Variants in DENND6B observed in about 807,000 individuals in gnomAD.
DENND6B encodes the protein DENN domain containing 6B.
A neutral mutation model predicts 85.1 loss-of-function variants in DENND6B; 73 were observed. The ratio of observed to expected loss-of-function variants is 0.86; its 90% CI spans 0.71 to 1.04. DENND6B has a LOEUF of 1.04. DENND6B is among the 50% of genes least tolerant of loss of function. The probability of loss-of-function intolerance (pLI) is 0.00; values close to 1 mark genes in which losing one functional copy is unlikely to be tolerated. For missense variants in DENND6B, 715 were observed against 785.8 expected, an observed-to-expected ratio of 0.91 and a Z score of 1.08; for synonymous variants, 357 against 329.3, an observed-to-expected ratio of 1.08 and a Z score of -0.91.
rs200203059 is a variant in DENND6B at position 50,318,816 on chromosome 22, G to C, written c.259+31C>G. 152 of 1,611,842 alleles carry C rather than the reference G, an allele frequency of 9.4e-5. No individual in the cohort carries two copies. In the East Asian group the frequency reaches 3.3e-3, roughly 35 times the overall value. The stretch of plus-strand genomic sequence containing the variant: ...TACAGGGATGCCCAGCTGGCTTCAT[G>C]TCCAGCCCCAGGAAAGGTGGGGTTG... On this transcript the variant is annotated intron_variant, in intron 3 of 19. Coordinates refer to ENST00000413817, the MANE Select transcript of DENND6B (RefSeq NM_001001794.4).
chr22:50,312,267 G>C lies in DENND6B; in HGVS notation c.1636-6C>G. 6.2e-7 allele frequency: 1 copy of C among 1,612,104 alleles called. No individual in the cohort carries two copies. Among genetic ancestry groups the C allele is most frequent in the Admixed American group, 1.7e-5 (1 of 59,932 alleles). ...TGGTGGCCCTGAGCCCGCACCTGGA[G>C]GGGCAGCCATGGTCAGGGCAGGCGC... is the stretch of plus-strand genomic sequence containing the variant. On this transcript the variant is annotated splice_polypyrimidine_tract_variant and splice_region_variant and intron_variant, in intron 19 of 19. Coordinates refer to ENST00000413817, the MANE Select transcript of DENND6B (RefSeq NM_001001794.4).
chr22:50,313,059 A>G lies in DENND6B; in HGVS notation c.1397T>C (p.Leu466Pro). Reference protein sequence around the residue: ...PFSQDDFLRSLEHAGPQLTCI... With the variant: ...PFSQDDFLRSPEHAGPQLTCI... ...GGTGAGCTGGGGCCCAGCATGCTCC[A>G]GGCTACGCAGGAAGTCATCCTGGCT... The change falls in exon 17 of 20, where the codon CTG becomes CCG. Residue 466 changes from leucine to proline, a missense_variant. Leu to Pro is a moderately conservative substitution (Grantham distance 98, BLOSUM62 -3). Transcript: ENST00000413817. 1 of 1,560,748 alleles carries G rather than the reference A, an allele frequency of 6.4e-7. No individual in the cohort carries two copies. Among genetic ancestry groups the G allele is most frequent in the Non-Finnish European group, 8.7e-7 (1 of 1,153,158 alleles).
chr22:50,314,909 A>G lies in DENND6B; in HGVS notation c.771T>C (p.Pro257=). The G allele has an allele frequency of 6.2e-7, 1 of 1,610,114 alleles. No homozygotes were observed. The highest frequency in any genetic ancestry group is 1.1e-5 in the South Asian group (1 of 91,002). The change falls in exon 10 of 20, where the codon CCT becomes CCC. Residue 257 remains proline (P), a synonymous_variant. Coordinates refer to ENST00000413817, the MANE Select transcript of DENND6B (RefSeq NM_001001794.4). ...ACAGTGTCTGCATATGAGTCAGCAC[A>G]GGCCGGAAGCACCTGGGGCCGGGCA... ...HELDLFRCFR[P]VLTHMQTLWE...
chr22:50,317,167 G>A (rs975807071), intron 5 of DENND6B, 126 bp downstream of exon 5: 3 of 984,934 alleles, frequency 3.0e-6, no homozygotes, highest in Non-Finnish European at 4.6e-6. Context: ...ACACAGCCCA[G>A]GTGGGGCTGC....
rs892492913 is a variant in DENND6B at position 50,310,202 on chromosome 22, GC to G, written c.*1936del. 7 of 152,306 alleles carry G rather than the reference GC, an allele frequency of 4.6e-5. No homozygotes were observed. The highest frequency in any genetic ancestry group is 1.7e-4 in the African/African-American group (7 of 41,462). The allele number at this position is 152,306 out of a possible 1,614,324, so 9.4% of individuals were successfully genotyped here. A position where few individuals can be genotyped will look rare whatever the true frequency, so the allele number is the denominator to read the frequency against. On this transcript the variant is annotated 3_prime_UTR_variant, in exon 20 of 20. Transcript: ENST00000413817. ...CCTGTGCTACAGTCAGGAGGCCCAA[GC>G]TGCATTTGGGGCCAGGACCTTTCTC... is the stretch of plus-strand genomic sequence containing the variant.
chr22:50,326,777 C>T (rs1179147299), intron 1 of DENND6B, 35 bp downstream of exon 1: 2 of 1,336,736 alleles, frequency 1.5e-6, no homozygotes, highest in Non-Finnish European at 1.9e-6. Context: ...CGCAGCCCTG[C>T]CCACCCGCCC....
Position 50,313,681 on chromosome 22 carries a change from A to C in DENND6B, c.1247T>G (p.Leu416Arg), listed in dbSNP as rs2068129017. The change falls in exon 15 of 20, where the codon CTG becomes CGG. Residue 416 changes from leucine to arginine, a missense_variant. Leu to Arg is a moderately radical substitution (Grantham distance 102). Transcript: ENST00000413817. The part of the protein sequence containing the change: ...KRPSDVQSAL[L>R]RRHLLELTQS... ...GGTGAGCTCCAGGAGGTGCCGCCGC[A>C]GCAGGGCGCTCTGCACATCTGACGG... The C allele has an allele frequency of 1.0e-5, 16 of 1,600,038 alleles. No individual in the cohort carries two copies. The highest frequency in any genetic ancestry group is 1.4e-5 in the Non-Finnish European group (16 of 1,175,438).
rs1444202246 is a variant in DENND6B at position 50,315,898 on chromosome 22, C to T, written c.702+127G>A. The T allele has an allele frequency of 1.9e-6, 3 of 1,539,554 alleles. No individual in the cohort carries two copies. In the East Asian group the frequency reaches 6.8e-5, roughly 35 times the overall value. On this transcript the variant is annotated intron_variant, in intron 8 of 19. Coordinates refer to ENST00000413817, the MANE Select transcript of DENND6B (RefSeq NM_001001794.4). ...CCCTACACCAACACACAGCCTGTGG[C>T]TTTGCCTGGGTTTGACAACCCCGCA...
intron 14 of DENND6B, 23 bp downstream of exon 14, chr22:50,313,791 C>T (rs1383072211): frequency 1.2e-6 from 2 of 1,611,378 alleles, no homozygotes; most frequent in South Asian, 2.2e-5. Flanking sequence ...GCGTCCCCAG[C>T]CCCTGCCCCA....
At position 50,314,896 on chromosome 22, in the gene DENND6B, T is replaced by C. The variant is rs1222375892; in HGVS notation, c.784A>G (p.Met262Val). ...FRCFRPVLTH[M>V]QTLWELMLLG... ...AGCATGAGCTCCCACAGTGTCTGCA[T>C]ATGAGTCAGCACAGGCCGGAAGCAC... Residue 262 changes from methionine to valine, a missense_variant, in exon 10 of 20, where the codon ATG (methionine) becomes GTG (valine). Coordinates refer to ENST00000413817, the MANE Select transcript of DENND6B (RefSeq NM_001001794.4). The C allele has an allele frequency of 1.2e-6, 2 of 1,612,174 alleles. No homozygotes were observed. Among genetic ancestry groups the C allele is most frequent in the Admixed American group, 3.3e-5 (2 of 59,998 alleles).
At chr22:50,323,281 C>CTTTT (rs571677497) in intron 1 of DENND6B, among the ~76,000 whole-genome samples, 13 of 126,100 alleles carry the variant, frequency 1.0e-4, no homozygotes, top group African/African-American at 3.8e-4. Flanking sequence ...ATGCCTGGCT[C>CTTTT]TTTTTTTTTT....
chr22:50,313,553 T>TGCCCCC (rs2147766863), intron 15 of DENND6B, 54 bp from the exon 16 acceptor site: 3 of 698,174 alleles, frequency 4.3e-6, no homozygotes, highest in Non-Finnish European at 3.7e-6. Flanking sequence ...CCCAGCCCCA[T>TGCCCCC]CCCCCGCAGC....
chr22:50,318,864 A>G lies in DENND6B; in HGVS notation c.242T>C (p.Phe81Ser). ...KEKSSICYLS[F>S]PDSHSGCLGD... ...TTGCCTACCTGAGTGCGAGTCGGGA[A>G]AAGACAGGTAGCAGATGCTGCTTTT... is the stretch of plus-strand genomic sequence containing the variant. The change falls in exon 3 of 20, where the codon TTT becomes TCT. Residue 81 changes from phenylalanine to serine, a missense_variant. Transcript: ENST00000413817. 1 of 1,613,406 alleles carries G rather than the reference A, an allele frequency of 6.2e-7. No homozygotes were observed. The highest frequency in any genetic ancestry group is 1.3e-5 in the African/African-American group (1 of 75,010).
At chr22:50,319,985 C>T (rs1238431749) in intron 1 of DENND6B, among the ~76,000 whole-genome samples, 2 of 152,220 alleles carry the variant, frequency 1.3e-5, no homozygotes, top group Admixed American at 6.5e-5. Context: ...AGTAGGTCCA[C>T]GCACACATGG....
chr22:50,321,583 C>T (rs1346198283), intron 1 of DENND6B, among the ~76,000 whole-genome samples: 1 of 151,980 alleles, frequency 6.6e-6, no homozygotes, highest in Non-Finnish European at 1.5e-5. Context: ...AGGCTGGTCT[C>T]GAACTTCTAA....
intron 13 of DENND6B, 156 bp downstream of exon 13, chr22:50,314,049 GAA>G: frequency 7.9e-7 from 1 of 1,262,846 alleles, no homozygotes; most frequent in Non-Finnish European, 1.1e-6. Flanking sequence ...CCACTGAAGA[GAA>G]GAGAGCGACC....
intron 3 of DENND6B, 71 bp from the exon 4 acceptor site, chr22:50,318,091 CG>C (rs2041914781): frequency 1.3e-6 from 2 of 1,522,834 alleles, no homozygotes; most frequent in Non-Finnish European, 9.0e-7. Context: ...AGCTGGTGAC[CG>C]GGGAGCAAGG....
rs780267022 is a variant in DENND6B, at chr22:50,326,781, C to T, written c.177+31G>A. On this transcript the variant is annotated intron_variant, in intron 1 of 19. Coordinates refer to ENST00000413817, the MANE Select transcript of DENND6B (RefSeq NM_001001794.4). Reference sequence around the variant, plus strand: ...GCCCCGAGAGGCGCAGCCCTGCCCACCCGCCCGCGCCCGCGCTCGCGCCCG... The same window carrying T: ...GCCCCGAGAGGCGCAGCCCTGCCCATCCGCCCGCGCCCGCGCTCGCGCCCG... 2.0e-5 allele frequency: 27 copies of T among 1,353,542 alleles called. No homozygotes were observed. The South Asian group carries it at 3.0e-4, about 15-fold the overall frequency. 83.8% of individuals were successfully genotyped at this position (1,353,542 alleles called of 1,614,324 possible).
intron 15 of DENND6B, 52 bp from the exon 16 acceptor site, chr22:50,313,551 C>CCCCA: frequency 1.4e-6 from 2 of 1,455,580 alleles, no homozygotes; most frequent in Non-Finnish European, 1.8e-6. Context: ...CCCCCAGCCC[C>CCCCA]ATCCCCCGCA....
Sources: gnomAD v4.1 joint callset for allele counts (sites outside exome capture counted in the v4.1 genomes callset) on GRCh38, gnomAD v4.1.1 for gene constraint, MANE v1.5 for transcripts, NCBI Gene and HGNC (gene_info 2026-07-23, HGNC 2026-07-21) for gene names.